Variants in TADA2B observed in about 807,000 individuals in gnomAD.
The protein encoded by TADA2B is transcriptional adapter 2-beta.
TADA2B carries 13 observed loss-of-function variants against 34.5 expected under a neutral mutation model. That is an observed-to-expected ratio of 0.38 (90% confidence interval 0.25 to 0.60). TADA2B has a LOEUF of 0.60. Among genes scored for constraint, TADA2B ranks in the 20% least tolerant of loss-of-function variants. TADA2B has a pLI of 0.65. For synonymous variants in TADA2B, 240 were observed against 243.4 expected (o/e 0.99, Z 0.13); for missense variants, 442 against 575.0 (o/e 0.77, Z 2.37).
intron 1 of TADA2B, among the ~76,000 whole-genome samples, chr4:7,051,588 GT>G (rs34072145): frequency 0.35 from 50,484 of 144,636 alleles, 10,152 homozygotes; most frequent in Non-Finnish European, 0.47. Context: ...AAGTAAGTAA[GT>G]TTTTTTTTTT....
intron 1 of TADA2B, among the ~76,000 whole-genome samples, chr4:7,046,419 CG>C (rs1487336487): frequency 5.3e-5 from 8 of 152,238 alleles, no homozygotes; most frequent in African/African-American, 9.6e-5. Context: ...TAGCAACCCT[CG>C]GGGGTGGGTT....
In TADA2B at chr4:7,054,350, G is replaced by A. The variant is rs1577217731; in HGVS notation, c.559G>A (p.Gly187Arg). The A allele has an allele frequency of 1.2e-6, 2 of 1,613,530 alleles. No homozygotes were observed. The highest frequency in any genetic ancestry group is 8.5e-7 in the Non-Finnish European group (1 of 1,179,898). ...CCAGGATGCCGAGACGCTCATCAGCGGGCTCTCTGTCAACTATGATGACGA... is the reference window on the plus strand; with the variant it reads ...CCAGGATGCCGAGACGCTCATCAGCAGGCTCTCTGTCAACTATGATGACGA... ...YDQDAETLIS[G>R]LSVNYDDDDV... The change falls in exon 2 of 2, where the codon GGG (glycine) becomes AGG (arginine). Residue 187 changes from glycine (G) to arginine (R), a missense_variant. Physicochemically the swap from Gly to Arg is moderately radical, Grantham distance 125. Coordinates refer to ENST00000310074, the MANE Select transcript of TADA2B (RefSeq NM_152293.3).
At position 7,057,594 on chromosome 4, in the gene TADA2B, C is replaced by T. The variant is rs1423223082; in HGVS notation, c.*2540C>T. 1.3e-5 allele frequency: 2 copies of T among 152,246 alleles called. No homozygotes were observed. Among genetic ancestry groups the T allele is most frequent in the African/African-American group, 4.8e-5 (2 of 41,460 alleles). The allele number at this position is 152,246 out of a possible 1,614,324, so 9.4% of individuals were successfully genotyped here. A position where few individuals can be genotyped will look rare whatever the true frequency, so the allele number is the denominator to read the frequency against. ...ACGAGGTCAAGAGATCGAGACCATC[C>T]TGGCCAACATGGTGAAACCCTGTCT... On this transcript the variant is annotated 3_prime_UTR_variant, in exon 2 of 2. Coordinates refer to ENST00000310074, the MANE Select transcript of TADA2B (RefSeq NM_152293.3).
At chr4:7,047,785 G>C (rs1358256621) in intron 1 of TADA2B, among the ~76,000 whole-genome samples, 1 of 152,230 alleles carries the variant, frequency 6.6e-6, no homozygotes, top group African/African-American at 2.4e-5. Context: ...GCAAAAGCCA[G>C]CTTGGGGTGA....
intron 1 of TADA2B, among the ~76,000 whole-genome samples, chr4:7,048,200 ATGGGAAG>A (rs1197575606): frequency 6.6e-6 from 1 of 152,198 alleles, no homozygotes; most frequent in Non-Finnish European, 1.5e-5. Flanking sequence ...GTTGGGAACC[ATGGGAAG>A]TGGGGACTTA....
Position 7,056,895 on chromosome 4 carries a change from A to G in TADA2B, c.*1841A>G, listed in dbSNP as rs1309415359. On this transcript the variant is annotated 3_prime_UTR_variant, in exon 2 of 2. Coordinates refer to ENST00000310074, the MANE Select transcript of TADA2B (RefSeq NM_152293.3). ...CTCAAGGTGGGGCTCCTGGCCCAGC[A>G]GCAGCAACTTGTTTGTTAGAATGCA... 2 of 152,262 alleles carry G rather than the reference A, an allele frequency of 1.3e-5. No individual in the cohort carries two copies. The highest frequency in any genetic ancestry group is 2.9e-5 in the Non-Finnish European group (2 of 68,044). The allele number at this position is 152,262 out of a possible 1,614,324, so 9.4% of individuals were successfully genotyped here. A position where few individuals can be genotyped will look rare whatever the true frequency, so the allele number is the denominator to read the frequency against.
chr4:7,044,690 C>T (rs1373110528), intron 1 of TADA2B, among the ~76,000 whole-genome samples: 1 of 152,172 alleles, frequency 6.6e-6, no homozygotes, highest in Non-Finnish European at 1.5e-5. Flanking sequence ...CGCTCATAAC[C>T]ACCAAAGACA....
chr4:7,044,192 T>C (rs907020358), intron 1 of TADA2B, among the ~76,000 whole-genome samples: 1 of 152,110 alleles, frequency 6.6e-6, no homozygotes, highest in Non-Finnish European at 1.5e-5. Context: ...TTACCTGAGT[T>C]CGTGGAGACA....
chr4:7,049,170 C>CT (rs1484883169), intron 1 of TADA2B, among the ~76,000 whole-genome samples: 1 of 152,128 alleles, frequency 6.6e-6, no homozygotes, highest in Non-Finnish European at 1.5e-5. Context: ...CCTCCACCTC[C>CT]TGGGCTCAAG....
rs754036733 is a variant in TADA2B at position 7,055,854 on chromosome 4, G to T, written c.*800G>T. 1 of 152,248 alleles carries T rather than the reference G, an allele frequency of 6.6e-6. No homozygotes were observed. Among genetic ancestry groups the T allele is most frequent in the African/African-American group, 2.4e-5 (1 of 41,456 alleles). 9.4% of individuals were successfully genotyped at this position (152,248 alleles called of 1,614,324 possible). On this transcript the variant is annotated 3_prime_UTR_variant, in exon 2 of 2. Coordinates refer to ENST00000310074, the MANE Select transcript of TADA2B (RefSeq NM_152293.3). ...GGGAAAGCACGTTAGTGGGAGGGAC[G>T]TAGGACACGTGTGGACCGCCAGGCC...
At chr4:7,050,963 C>G (rs1044067850) in intron 1 of TADA2B, among the ~76,000 whole-genome samples, 1 of 152,218 alleles carries the variant, frequency 6.6e-6, no homozygotes, top group Admixed American at 6.5e-5. Flanking sequence ...GGCAGGGGCT[C>G]ACCCTCAGGT....
intron 1 of TADA2B, among the ~76,000 whole-genome samples, chr4:7,047,420 G>T (rs1221486537): frequency 1.3e-5 from 2 of 152,238 alleles, no homozygotes; most frequent in African/African-American, 4.8e-5. Context: ...CAACACTCAG[G>T]CTCCTTCTTG....
intron 1 of TADA2B, among the ~76,000 whole-genome samples, chr4:7,047,900 G>T (rs1723673291): frequency 6.6e-6 from 1 of 152,192 alleles, no homozygotes; most frequent in South Asian, 2.1e-4. Flanking sequence ...CCCTGAGCAG[G>T]TGCTTTGACA....
rs2108786995 is a variant in TADA2B, at chr4:7,054,718, G to C, written c.927G>C (p.Glu309Asp). Residue 309 changes from glutamate (E) to aspartate (D), a missense_variant, in exon 2 of 2, where the codon GAG (glutamate) becomes GAC (aspartate). By Grantham distance (45) the Glu-to-Asp change is conservative. This residue lies in a region of TADA2B where 4 missense variants were observed against 18.0 expected (regional missense o/e 0.22). Transcript: ENST00000310074. ...AGATGGAAGAGTCGGCAGAGTACGA[G>C]GCAGCGCGGCATAAACGGGAGAAGA... Reference protein sequence around the residue: ...ITKMEESAEYEAARHKREKRK... With the variant: ...ITKMEESAEYDAARHKREKRK... The C allele has an allele frequency of 6.2e-7, 1 of 1,613,968 alleles. No homozygotes were observed. The highest frequency in any genetic ancestry group is 1.6e-4 in the Middle Eastern group (1 of 6,062).
At chr4:7,051,033 A>C (rs1213286821) in intron 1 of TADA2B, among the ~76,000 whole-genome samples, 4 of 152,166 alleles carry the variant, frequency 2.6e-5, no homozygotes, top group Non-Finnish European at 5.9e-5. Flanking sequence ...TGGGAAGCGC[A>C]CGGGGTGAGT....
intron 1 of TADA2B, chr4:7,053,168 CGCACTTTGG>C (rs1479461649): frequency 6.6e-6 from 1 of 152,398 alleles, no homozygotes; most frequent in African/African-American, 2.4e-5. Flanking sequence ...GGAATGAGTG[CGCACTTTGG>C]GCAGTTACTT....
chr4:7,052,121 C>T (rs1486941933), intron 1 of TADA2B, among the ~76,000 whole-genome samples: 2 of 152,258 alleles, frequency 1.3e-5, no homozygotes, highest in African/African-American at 4.8e-5. Context: ...CTCCTGGAAA[C>T]TGGCCTCTTG....
rs914496603 is a variant in TADA2B, at chr4:7,054,836, G to A, written c.1045G>A (p.Glu349Lys). The change falls in exon 2 of 2, where the codon GAG (glutamate) becomes AAG (lysine). Residue 349 changes from glutamate to lysine, a missense_variant. This residue lies in a region of TADA2B where 114 missense variants were observed against 144.7 expected (regional missense o/e 0.79). Coordinates refer to ENST00000310074, the MANE Select transcript of TADA2B (RefSeq NM_152293.3). ...CGCCATTGAGAACCTTCCAGGCTTC[G>A]AGCTCCTGTCAGATCGCGAGAAGGT... ...FAAIENLPGF[E>K]LLSDREKVLC... The A allele has an allele frequency of 3.7e-6, 6 of 1,613,852 alleles. No individual in the cohort carries two copies. Among genetic ancestry groups the A allele is most frequent in the Non-Finnish European group, 5.1e-6 (6 of 1,179,870 alleles).
In TADA2B at chr4:7,049,873, C is replaced by G. The variant is rs115659921; in HGVS notation, c.271-4189C>G. ...CCACGCCTACCTTTGCCCGGCCGCT[C>G]TGTCCTGCCGCTAGCTGCAGGTGGC... is the stretch of plus-strand genomic sequence containing the variant. On this transcript the variant is annotated intron_variant, in intron 1 of 1. Transcript: ENST00000310074. Among the ~76,000 whole-genome samples, 1,353 of 152,370 alleles carry G rather than the reference C, an allele frequency of 8.9e-3. 18 individuals carry two copies. The highest frequency in any genetic ancestry group is 0.031 in the African/African-American group (1,286 of 41,580).
Sources: allele counts gnomAD v4.1 joint callset (sites outside exome capture counted in the v4.1 genomes callset), GRCh38; gene constraint gnomAD v4.1.1; regional missense constraint gnomAD v4.1.1; transcripts MANE v1.5; gene names NCBI Gene and HGNC (gene_info 2026-07-23, HGNC 2026-07-21).